SMURF2: variants seen among roughly 807,000 people sequenced by gnomAD.
SMURF2 encodes E3 ubiquitin-protein ligase SMURF2.
In SMURF2, 48 loss-of-function variants were observed where a neutral mutation model predicts 109.6. That is an observed-to-expected ratio of 0.44 (90% confidence interval 0.35 to 0.56). The LOEUF (loss-of-function observed/expected upper bound fraction) is 0.56. Ranked by LOEUF, SMURF2 falls within the 20% of genes least tolerant of loss-of-function variation. The probability of loss-of-function intolerance (pLI) is 0.01; values close to 1 mark genes in which losing one functional copy is unlikely to be tolerated. For missense variants in SMURF2, 575 were observed against 909.0 expected, an observed-to-expected ratio of 0.63 and a Z score of 4.72; for synonymous variants, 288 against 317.1, an observed-to-expected ratio of 0.91 and a Z score of 0.97.
intron 12 of SMURF2, among the ~76,000 whole-genome samples, chr17:64,560,071 T>G (rs114464483): frequency 0.053 from 8,005 of 151,290 alleles, 307 homozygotes; most frequent in Admixed American, 0.13. Context: ...TTTTTTTAAT[T>G]AGGCATGGAA....
intron 4 of SMURF2, among the ~76,000 whole-genome samples, chr17:64,592,223 G>T (rs1252483744): frequency 6.6e-6 from 1 of 152,184 alleles, no homozygotes; most frequent in African/African-American, 2.4e-5. Context: ...GTTTAGAACA[G>T]TAGCACATTA....
intron 12 of SMURF2, among the ~76,000 whole-genome samples, chr17:64,558,325 G>A (rs1598270309): frequency 6.6e-6 from 1 of 152,054 alleles, no homozygotes; most frequent in Non-Finnish European, 1.5e-5. Flanking sequence ...CTTGAGCCCT[G>A]GAGGTTGAGG....
chr17:64,630,302 T>C (rs1375312058), intron 1 of SMURF2, among the ~76,000 whole-genome samples: 1 of 152,148 alleles, frequency 6.6e-6, no homozygotes, highest in Non-Finnish European at 1.5e-5. Flanking sequence ...TATTTATTTA[T>C]AAGAGGCTTC....
At chr17:64,574,557 CTAAA>C (rs1247572569) in intron 9 of SMURF2, among the ~76,000 whole-genome samples, 1 of 152,116 alleles carries the variant, frequency 6.6e-6, no homozygotes, top group Non-Finnish European at 1.5e-5. Context: ...GTAATAGAAA[CTAAA>C]TATTTATAGT....
chr17:64,661,586 G>T (rs186530975), intron 1 of SMURF2, among the ~76,000 whole-genome samples: 41 of 152,140 alleles, frequency 2.7e-4, no homozygotes, highest in Non-Finnish European at 5.3e-4. Context: ...CCTGCGATGC[G>T]AACCGGTGTA....
chr17:64,633,068 C>T (rs1399573598), intron 1 of SMURF2, among the ~76,000 whole-genome samples: 4 of 152,144 alleles, frequency 2.6e-5, no homozygotes, highest in Non-Finnish European at 4.4e-5. Context: ...CCCAGAAGTT[C>T]GAGGCCAGCC....
intron 5 of SMURF2, among the ~76,000 whole-genome samples, chr17:64,587,655 T>C (rs1969682479): frequency 6.6e-6 from 1 of 152,148 alleles, no homozygotes; most frequent in African/African-American, 2.4e-5. Context: ...TCCAGCTCTG[T>C]AAACATTTTG....
chr17:64,545,748 G>C lies in SMURF2; in HGVS notation c.*100C>G. On this transcript the variant is annotated 3_prime_UTR_variant, in exon 19 of 19. Coordinates refer to ENST00000262435, the MANE Select transcript of SMURF2 (RefSeq NM_022739.4). ...AAAAAAAAAAAGGGGGGGGGGGGGA[G>C]TGTTTTCCTGTATTTCAGCATATTC... is the stretch of plus-strand genomic sequence containing the variant. 1 of 231,378 alleles carries C rather than the reference G, an allele frequency of 4.3e-6. No individual in the cohort carries two copies. Among genetic ancestry groups the C allele is most frequent in the Admixed American group, 5.9e-5 (1 of 17,072 alleles). The allele number at this position is 231,378 out of a possible 1,614,324, so 14.3% of individuals were successfully genotyped here.
intron 1 of SMURF2, among the ~76,000 whole-genome samples, chr17:64,638,481 G>GT (rs1970452120): frequency 6.6e-6 from 1 of 152,216 alleles, no homozygotes. Flanking sequence ...GATTACAGGC[G>GT]TAAGCCACCA....
rs1022303960 is a variant in SMURF2, at chr17:64,550,957, G to A, written c.1869+627C>T. Among the ~76,000 whole-genome samples the A allele has an allele frequency of 2.0e-5, 3 of 152,094 alleles. No homozygotes were observed. In the East Asian group the frequency reaches 5.8e-4, roughly 29 times the overall value. ...ACTTAACTAAATCAGTAACCACTAAGTTAGGGAATAGACATATATTGGAAG... is the reference window on the plus strand; with the variant it reads ...ACTTAACTAAATCAGTAACCACTAAATTAGGGAATAGACATATATTGGAAG... On this transcript the variant is annotated intron_variant, in intron 16 of 18. Transcript: ENST00000262435.
intron 8 of SMURF2, among the ~76,000 whole-genome samples, chr17:64,579,918 T>C (rs1269020582): frequency 6.6e-6 from 1 of 152,228 alleles, no homozygotes; most frequent in East Asian, 1.9e-4. Context: ...ATAGCACAGT[T>C]AATGGACAAG....
intron 1 of SMURF2, among the ~76,000 whole-genome samples, chr17:64,631,281 G>GGA (rs1468147317): frequency 9.1e-4 from 4 of 4,412 alleles, no homozygotes; most frequent in Non-Finnish European, 1.9e-3. Context: ...AGGGGGGGGG[G>GGA]GAGAGAGAGA....
Position 64,637,923 on chromosome 17 carries a change from C to CAAAAAAAAAAAAAAAAAA in SMURF2, c.52+23888_52+23905dup, listed in dbSNP as rs59701513. Reference sequence around the variant, plus strand: ...CATTGAATGGTTTTGGCGCCCTAGTCAAAAAAAAAAAAAAAAAAAATCAAC... The same window carrying CAAAAAAAAAAAAAAAAAA: ...CATTGAATGGTTTTGGCGCCCTAGTCAAAAAAAAAAAAAAAAAAAAAAAAAAAAAAAAAAAAAATCAAC... On this transcript the variant is annotated intron_variant, in intron 1 of 18. Coordinates refer to ENST00000262435, the MANE Select transcript of SMURF2 (RefSeq NM_022739.4). Among the ~76,000 whole-genome samples the CAAAAAAAAAAAAAAAAAA allele has an allele frequency of 1.2e-3, 84 of 72,534 alleles. 6 individuals are homozygous for CAAAAAAAAAAAAAAAAAA. The highest frequency in any genetic ancestry group is 2.8e-3 in the African/African-American group (68 of 24,298). 47.6% of individuals were successfully genotyped at this position (72,534 alleles called of 152,430 possible). A position where few individuals can be genotyped will look rare whatever the true frequency, so the allele number is the denominator to read the frequency against.
chr17:64,602,729 C>G (rs1460335802), intron 2 of SMURF2, among the ~76,000 whole-genome samples: 9 of 152,120 alleles, frequency 5.9e-5, no homozygotes, highest in African/African-American at 2.2e-4. Context: ...GAGTTCAAGA[C>G]CATCCTGGCT....
chr17:64,565,853 C>A (rs1166429775), intron 10 of SMURF2, among the ~76,000 whole-genome samples: 1 of 151,536 alleles, frequency 6.6e-6, no homozygotes, highest in Non-Finnish European at 1.5e-5. Context: ...ACATGCTTTT[C>A]AAGCAAAGGA....
intron 1 of SMURF2, among the ~76,000 whole-genome samples, chr17:64,653,683 A>T (rs1970668031): frequency 6.6e-6 from 1 of 152,162 alleles, no homozygotes; most frequent in Non-Finnish European, 1.5e-5. Context: ...CCTGGGCTCA[A>T]GCAATCCGCC....
At chr17:64,644,970 T>C (rs1267447062) in intron 1 of SMURF2, among the ~76,000 whole-genome samples, 7 of 151,076 alleles carry the variant, frequency 4.6e-5, no homozygotes, top group Non-Finnish European at 8.8e-5. Context: ...ATCACACCAC[T>C]GCACTTCAGC....
chr17:64,635,402 A>G (rs1447818631), intron 1 of SMURF2, among the ~76,000 whole-genome samples: 5 of 152,192 alleles, frequency 3.3e-5, no homozygotes, highest in African/African-American at 1.2e-4. Flanking sequence ...AATAATTTTT[A>G]GCATAGTCAC....
At chr17:64,586,934 G>A (rs1375526964) in intron 5 of SMURF2, among the ~76,000 whole-genome samples, 3 of 152,030 alleles carry the variant, frequency 2.0e-5, no homozygotes, top group Non-Finnish European at 2.9e-5. Flanking sequence ...GGGAGGCCGA[G>A]GCAGGCAGAT....
Sources: gnomAD v4.1 joint callset for allele counts (sites outside exome capture counted in the v4.1 genomes callset) on GRCh38, gnomAD v4.1.1 for gene constraint, MANE v1.5 for transcripts, NCBI Gene and HGNC (gene_info 2026-07-23, HGNC 2026-07-21) for gene names.